The following LMX1B variants were observed in gnomAD, a reference collection of about 807,000 sequenced individuals.
The protein encoded by LMX1B is LIM homeobox transcription factor 1-beta.
LMX1B carries 12 observed loss-of-function variants against 51.4 expected under a neutral mutation model. The observed-to-expected ratio is 0.23, with a 90% confidence interval of 0.15 to 0.38. The LOEUF (loss-of-function observed/expected upper bound fraction) is 0.38, where lower values mean the gene tolerates loss of function less well. LMX1B is among the 10% of genes least tolerant of loss of function. The pLI is 1.00. For missense variants in LMX1B, 445 were observed against 571.1 expected, an observed-to-expected ratio of 0.78 and a Z score of 2.25; for synonymous variants, 237 against 235.4, an observed-to-expected ratio of 1.01 and a Z score of -0.06.
intron 6 of LMX1B, among the ~76,000 whole-genome samples, chr9:126,694,987 C>T (rs1031816828): frequency 1.3e-5 from 2 of 152,158 alleles, no homozygotes; most frequent in Non-Finnish European, 2.9e-5. Context: ...CACCACCATC[C>T]GCCCTGTCCG....
intron 2 of LMX1B, among the ~76,000 whole-genome samples, chr9:126,685,658 T>TA: frequency 6.6e-6 from 1 of 151,978 alleles, no homozygotes; most frequent in Non-Finnish European, 1.5e-5. Context: ...AAGAGCCACA[T>TA]AAACTGTAAA....
At chr9:126,649,060 G>A (rs1835955296) in intron 2 of LMX1B, among the ~76,000 whole-genome samples, 1 of 152,058 alleles carries the variant, frequency 6.6e-6, no homozygotes, top group Admixed American at 6.5e-5. Flanking sequence ...CAGGTACTTA[G>A]GTCTAAGCTA....
At position 126,696,325 on chromosome 9, in the gene LMX1B, C is replaced by T. The variant is rs1248207805; in HGVS notation, c.1083C>T (p.Ser361=). The T allele has an allele frequency of 3.1e-6, 5 of 1,614,110 alleles. No homozygotes were observed. The highest frequency in any genetic ancestry group is 1.7e-5 in the Admixed American group (1 of 60,026). Residue 361 remains serine (S), a synonymous_variant, in exon 8 of 8, where the codon AGC becomes AGT. Coordinates refer to ENST00000373474, the MANE Select transcript of LMX1B (RefSeq NM_001174147.2). ...GNDSIFHDID[S]DTSLTSLSDC... ...ACTCCATCTTCCATGACATCGACAG[C>T]GATACCTCCTTAACCAGCCTCAGCG...
chr9:126,632,219 A>G (rs1351433417), intron 2 of LMX1B, among the ~76,000 whole-genome samples: 2 of 152,078 alleles, frequency 1.3e-5, no homozygotes, highest in Non-Finnish European at 2.9e-5. Flanking sequence ...CGTTTTTCTT[A>G]GAGGGAAGAG....
rs1302237738 is a variant in LMX1B, at chr9:126,695,334, C to T, written c.887-505C>T. ...TCCCCCACACCGACCTCTCTCCCTGCCTCTTGGCCCCACGTGCTGCACCCT... is the reference window on the plus strand; with the variant it reads ...TCCCCCACACCGACCTCTCTCCCTGTCTCTTGGCCCCACGTGCTGCACCCT... On this transcript the variant is annotated intron_variant, in intron 6 of 7. Transcript: ENST00000373474. This position sits in a 1 kb window ranked among gnomAD's most constrained non-coding sequence, Gnocchi z 5.2. Among the ~76,000 whole-genome samples, 2 of 152,244 alleles carry T rather than the reference C, an allele frequency of 1.3e-5. No homozygotes were observed. The highest frequency in any genetic ancestry group is 4.8e-5 in the African/African-American group (2 of 41,464).
chr9:126,651,823 C>T (rs939378526), intron 2 of LMX1B, among the ~76,000 whole-genome samples: 46 of 152,104 alleles, frequency 3.0e-4, no homozygotes, highest in African/African-American at 8.9e-4. Flanking sequence ...GTTCAACAGG[C>T]GGGGTCTGCT....
In LMX1B at chr9:126,700,857, CATTTT is replaced by C. The variant is rs969921372; in HGVS notation, c.*4411_*4415del. The stretch of plus-strand genomic sequence containing the variant: ...ACTACCCACCCGCCATCCCCAGACA[CATTTT>C]ATTTAATAACTTGTCATTGTTAAAT... On this transcript the variant is annotated 3_prime_UTR_variant, in exon 8 of 8. Transcript: ENST00000373474. 11 of 152,240 alleles carry C rather than the reference CATTTT, an allele frequency of 7.2e-5. No homozygotes were observed. The highest frequency in any genetic ancestry group is 3.3e-4 in the Admixed American group (5 of 15,286). The allele number at this position is 152,240 out of a possible 1,614,324, so 9.4% of individuals were successfully genotyped here. A position where few individuals can be genotyped will look rare whatever the true frequency, so the allele number is the denominator to read the frequency against.
At position 126,691,085 on chromosome 9, in the gene LMX1B, G is replaced by GC; in HGVS notation, c.559+18dup. The GC allele has an allele frequency of 6.3e-7, 1 of 1,589,910 alleles. No individual in the cohort carries two copies. The highest frequency in any genetic ancestry group is 8.6e-7 in the Non-Finnish European group (1 of 1,165,420). On this transcript the variant is annotated intron_variant, in intron 3 of 7. Coordinates refer to ENST00000373474, the MANE Select transcript of LMX1B (RefSeq NM_001174147.2). ...CCGACTCCGGTGAGGCCTGGCCTGAGCTGGGGGCAGGCCTCAGGGACGGGG... is the reference window on the plus strand; with the variant it reads ...CCGACTCCGGTGAGGCCTGGCCTGAGCCTGGGGGCAGGCCTCAGGGACGGGG...
chr9:126,676,759 AG>A (rs1426780148), intron 2 of LMX1B, among the ~76,000 whole-genome samples: 1 of 152,178 alleles, frequency 6.6e-6, no homozygotes, highest in Non-Finnish European at 1.5e-5. Context: ...CGGAGTTACC[AG>A]GGGTGGGGTC....
chr9:126,675,875 C>T (rs1836547079), intron 2 of LMX1B, among the ~76,000 whole-genome samples: 1 of 151,278 alleles, frequency 6.6e-6, no homozygotes, highest in Non-Finnish European at 1.5e-5. Flanking sequence ...CGGTGAAACC[C>T]CGTCTCTACT....
rs139061126 is a variant in LMX1B at position 126,668,191 on chromosome 9, G to A, written c.327-22645G>A. Among the ~76,000 whole-genome samples, 4 of 152,278 alleles carry A rather than the reference G, an allele frequency of 2.6e-5. No individual in the cohort carries two copies. In the East Asian group the frequency reaches 5.8e-4, roughly 22 times the overall value. On this transcript the variant is annotated intron_variant, in intron 2 of 7. Coordinates refer to ENST00000373474, the MANE Select transcript of LMX1B (RefSeq NM_001174147.2). ...ACAGACACTCTTACTGAGACCAGGG[G>A]TCTGCAGAGACCTCAGCATTGCAGG...
intron 2 of LMX1B, among the ~76,000 whole-genome samples, chr9:126,679,720 A>G (rs1836638280): frequency 6.6e-6 from 1 of 152,102 alleles, no homozygotes. Flanking sequence ...AACCTGACCC[A>G]CTATCTTCCT....
chr9:126,693,043 G>A (rs1796050931), intron 3 of LMX1B, 99 bp from the exon 4 acceptor site: 2 of 1,284,296 alleles, frequency 1.6e-6, no homozygotes, highest in Non-Finnish European at 2.2e-6. Flanking sequence ...TCAACAGAGG[G>A]GACAGGCTCC....
intron 2 of LMX1B, among the ~76,000 whole-genome samples, chr9:126,675,997 C>G (rs1660345567): frequency 6.8e-6 from 1 of 147,496 alleles, no homozygotes; most frequent in South Asian, 2.2e-4. Context: ...TGCAGTGAGC[C>G]GAGATCGCGC....
At chr9:126,638,853 C>T (rs983623195) in intron 2 of LMX1B, among the ~76,000 whole-genome samples, 1 of 152,172 alleles carries the variant, frequency 6.6e-6, no homozygotes, top group Non-Finnish European at 1.5e-5. Context: ...CAGTCATTTA[C>T]ATAAACTTTC....
chr9:126,650,312 T>G (rs1317870707), intron 2 of LMX1B, among the ~76,000 whole-genome samples: 1 of 152,158 alleles, frequency 6.6e-6, no homozygotes, highest in Admixed American at 6.5e-5. Context: ...CTTGGTCATC[T>G]TTTCTAGGGG....
chr9:126,644,036 C>A (rs555805221), intron 2 of LMX1B, among the ~76,000 whole-genome samples: 40 of 152,280 alleles, frequency 2.6e-4, no homozygotes, highest in African/African-American at 7.7e-4. Context: ...GTCACTGGCC[C>A]GCACTGCCCA....
At chr9:126,694,849 T>C (rs2030268953) in intron 6 of LMX1B, among the ~76,000 whole-genome samples, 1 of 152,122 alleles carries the variant, frequency 6.6e-6, no homozygotes. Context: ...TCCTAGCTGC[T>C]TCCTGGACAC....
At chr9:126,664,371 C>T (rs7852468) in intron 2 of LMX1B, among the ~76,000 whole-genome samples, 5,099 of 152,242 alleles carry the variant, frequency 0.033, 277 homozygotes, top group African/African-American at 0.12. Context: ...CAGCGCAGCC[C>T]AGCCCAATCC....
Sources: gnomAD v4.1 joint callset for allele counts (sites outside exome capture counted in the v4.1 genomes callset) on GRCh38, gnomAD v4.1.1 for gene constraint, Gnocchi (gnomAD v3.1) non-coding constraint, MANE v1.5 for transcripts, NCBI Gene and HGNC (gene_info 2026-07-23, HGNC 2026-07-21) for gene names.